Variants in TRPM3 observed in about 807,000 individuals in gnomAD.
TRPM3 encodes transient receptor potential cation channel subfamily M member 3, also known as long transient receptor potential channel 3.
TRPM3 carries 77 observed loss-of-function variants against 181.2 expected under a neutral mutation model. The ratio of observed to expected loss-of-function variants is 0.42; its 90% CI spans 0.35 to 0.51. The LOEUF (loss-of-function observed/expected upper bound fraction) is 0.51, where lower values mean the gene tolerates loss of function less well. TRPM3 is among the 20% of genes least tolerant of loss of function. The pLI is 0.01. For missense variants in TRPM3, 1,759 were observed against 2,196.7 expected, an observed-to-expected ratio of 0.80 and a Z score of 3.98; for synonymous variants, 745 against 796.4, an observed-to-expected ratio of 0.94 and a Z score of 1.09.
chr9:71,382,525 C>T (rs1454395243), intron 1 of TRPM3, among the ~76,000 whole-genome samples: 1 of 152,098 alleles, frequency 6.6e-6, no homozygotes, highest in East Asian at 1.9e-4. Flanking sequence ...CCAAACCAAC[C>T]AGTTCACACA....
At chr9:70,599,834 ATG>A (rs1276295384) in intron 20 of TRPM3, among the ~76,000 whole-genome samples, 2 of 152,140 alleles carry the variant, frequency 1.3e-5, no homozygotes, top group African/African-American at 4.8e-5. Context: ...TTTTATATGT[ATG>A]TGTGTATGAG....
In TRPM3 at chr9:70,552,877, C is replaced by T. The variant is rs377602208; in HGVS notation, c.3541G>A (p.Glu1181Lys). 1 of 1,614,142 alleles carries T rather than the reference C, an allele frequency of 6.2e-7. No individual in the cohort carries two copies. The highest frequency in any genetic ancestry group is 8.5e-7 in the Non-Finnish European group (1 of 1,180,024). ...TAGTCCCTTTCATCCGGGTCGCTCTCGTGTTTCCTCCATCGGCAGCACAGG... is the reference window on the plus strand; with the variant it reads ...TAGTCCCTTTCATCCGGGTCGCTCTTGTGTTTCCTCCATCGGCAGCACAGG... ...QHLCCRWRKH[E>K]SDPDERDYGL... The change falls in exon 24 of 26, where the codon GAG (glutamate) becomes AAG (lysine). Residue 1181 changes from glutamate (E) to lysine (K), a missense_variant. This residue lies in a region of TRPM3 where 96 missense variants were observed against 129.6 expected (regional missense o/e 0.74). Coordinates refer to ENST00000677713, the MANE Select transcript of TRPM3 (RefSeq NM_001366145.2).
At chr9:70,932,468 G>A (rs1408022151) in intron 1 of TRPM3, among the ~76,000 whole-genome samples, 1 of 152,058 alleles carries the variant, frequency 6.6e-6, no homozygotes, top group Admixed American at 6.6e-5. Context: ...ATCTCATGAT[G>A]GAGACAGACA....
At chr9:70,581,948 T>TC (rs1564423523) in intron 22 of TRPM3, among the ~76,000 whole-genome samples, 4 of 113,964 alleles carry the variant, frequency 3.5e-5, no homozygotes, top group Non-Finnish European at 6.1e-5. Flanking sequence ...TTTTTCCTTG[T>TC]CTTCTCCTTC....
At chr9:71,122,497 C>T (rs997099972), upstream of TRPM3, among the ~76,000 whole-genome samples, 1 of 152,158 alleles carries the variant, frequency 6.6e-6, no homozygotes, top group Non-Finnish European at 1.5e-5. Context: ...GGAGAATCCC[C>T]ACATCCTTGG....
At chr9:71,339,736 G>A (rs2090823041) in intron 1 of TRPM3, among the ~76,000 whole-genome samples, 1 of 152,098 alleles carries the variant, frequency 6.6e-6, no homozygotes, top group South Asian at 2.1e-4. Context: ...TGGAGGCTGG[G>A]AGATGGGGAG....
chr9:71,003,206 A>AC lies in TRPM3; in HGVS notation c.177+117971_177+117972insG, dbSNP rs201804588. ...TTTCCCTTGCCTTAAAAAAAAAAAA[A>AC]AAAAACACTTAACAGTATATCCTGT... On this transcript the variant is annotated intron_variant, in intron 1 of 25. Coordinates refer to ENST00000677713, the MANE Select transcript of TRPM3 (RefSeq NM_001366145.2). 9.4e-3 allele frequency among the ~76,000 whole-genome samples: 1,347 copies of AC among 142,884 alleles called. 22 individuals are homozygous for AC. The highest frequency in any genetic ancestry group is 0.029 in the African/African-American group (1,202 of 40,842). 93.7% of individuals were successfully genotyped at this position (142,884 alleles called of 152,430 possible).
chr9:70,797,076 G>T (rs2087279887), intron 6 of TRPM3, among the ~76,000 whole-genome samples: 1 of 152,200 alleles, frequency 6.6e-6, no homozygotes, highest in South Asian at 2.1e-4. Flanking sequence ...GCTGAAGTGA[G>T]CTGTGATTGT....
In TRPM3 at chr9:70,653,026, CT is replaced by C. The variant is rs151254634; in HGVS notation, c.1346-12367del. 3.0e-3 allele frequency among the ~76,000 whole-genome samples: 453 copies of C among 152,114 alleles called. 15 individuals are homozygous for C. In the East Asian group the frequency reaches 0.078, roughly 26 times the overall value. On this transcript the variant is annotated intron_variant, in intron 9 of 25. Coordinates refer to ENST00000677713, the MANE Select transcript of TRPM3 (RefSeq NM_001366145.2). ...TAGGTCGATGAGGGCCTTGAATGTG[CT>C]TACAGCAGAAGGGGGAAAAGCCCTC...
chr9:71,155,419 G>A (rs1053573324), intron 1 of TRPM3, among the ~76,000 whole-genome samples: 3 of 151,982 alleles, frequency 2.0e-5, no homozygotes, highest in African/African-American at 7.3e-5. Context: ...CTGGGTTCAG[G>A]TGAATTCTCC....
chr9:70,862,651 TAA>T (rs2095551633), intron 3 of TRPM3, among the ~76,000 whole-genome samples: 1 of 152,128 alleles, frequency 6.6e-6, no homozygotes, highest in Non-Finnish European at 1.5e-5. Flanking sequence ...TGATTAATAA[TAA>T]GAGTCACTGT....
At chr9:70,967,278 G>C (rs2097195064) in intron 1 of TRPM3, among the ~76,000 whole-genome samples, 1 of 152,042 alleles carries the variant, frequency 6.6e-6, no homozygotes. Flanking sequence ...GAGAACAGAG[G>C]AATCCCTGTG....
chr9:70,846,731 AT>A, intron 3 of TRPM3, 140 bp from the exon 4 acceptor site: 1 of 642,370 alleles, frequency 1.6e-6, no homozygotes, highest in South Asian at 2.0e-5. Flanking sequence ...AGGGGTGATC[AT>A]TTGCTTTATC....
chr9:71,319,775 C>G (rs1443379961), intron 1 of TRPM3, among the ~76,000 whole-genome samples: 3 of 152,034 alleles, frequency 2.0e-5, no homozygotes, highest in Non-Finnish European at 4.4e-5. Context: ...ACTTTGGCAA[C>G]AAGCAAATGA....
intron 8 of TRPM3, among the ~76,000 whole-genome samples, chr9:70,698,802 C>T (rs2071460373): frequency 6.6e-6 from 1 of 151,192 alleles, no homozygotes; most frequent in South Asian, 2.1e-4. Flanking sequence ...TGGCACTGCC[C>T]GCTTCTCTCT....
At chr9:71,120,963 C>T (rs890260342) in intron 1 of TRPM3, among the ~76,000 whole-genome samples, 1 of 150,760 alleles carries the variant, frequency 6.6e-6, no homozygotes, top group East Asian at 2.0e-4. Flanking sequence ...GAGTGTGGTT[C>T]GCACCAGCCT....
chr9:71,151,787 C>A (rs1360156287), intron 1 of TRPM3, among the ~76,000 whole-genome samples: 1 of 151,996 alleles, frequency 6.6e-6, no homozygotes, highest in Non-Finnish European at 1.5e-5. Flanking sequence ...AAAGAATAGT[C>A]AATTCTATAT....
intron 4 of TRPM3, among the ~76,000 whole-genome samples, chr9:70,843,484 G>A (rs2094810329): frequency 1.3e-5 from 2 of 152,180 alleles, no homozygotes; most frequent in Admixed American, 6.5e-5. Context: ...CCAATAGCTT[G>A]ACTGTGTCAT....
chr9:70,582,181 C>CGTGTGTGTGT (rs3073501), intron 22 of TRPM3, among the ~76,000 whole-genome samples: 39 of 149,154 alleles, frequency 2.6e-4, no homozygotes, highest in Non-Finnish European at 4.6e-4. Context: ...CCACCCTGTG[C>CGTGTGTGTGT]GTGTGTGTGT....
Sources: gnomAD v4.1 joint callset for allele counts (sites outside exome capture counted in the v4.1 genomes callset) on GRCh38, gnomAD v4.1.1 for gene constraint, gnomAD v4.1.1 regional missense constraint, MANE v1.5 for transcripts, NCBI Gene and HGNC (gene_info 2026-07-23, HGNC 2026-07-21) for gene names.